PRKG1: variants seen among roughly 807,000 people sequenced by gnomAD.
PRKG1 encodes the protein cGMP-dependent protein kinase 1.
Under a neutral mutation model 88.1 loss-of-function variants are expected in PRKG1, and 35 were observed. The ratio of observed to expected loss-of-function variants is 0.40; its 90% CI spans 0.30 to 0.53. PRKG1 has a LOEUF of 0.53. Ranked by LOEUF, PRKG1 falls within the 20% of genes least tolerant of loss-of-function variation. PRKG1 has a pLI of 0.59. For missense variants in PRKG1, 540 were observed against 839.8 expected, an observed-to-expected ratio of 0.64 and a Z score of 4.41; for synonymous variants, 303 against 292.5, an observed-to-expected ratio of 1.04 and a Z score of -0.37.
chr10:51,942,515 G>T (rs1470019231), intron 5 of PRKG1, among the ~76,000 whole-genome samples: 1 of 150,988 alleles, frequency 6.6e-6, no homozygotes, highest in East Asian at 2.0e-4. Context: ...TTTTAGACTT[G>T]AAGTCCTTGC....
At chr10:51,627,968 T>TTC (rs140669395) in intron 3 of PRKG1, among the ~76,000 whole-genome samples, 1 of 50,426 alleles carries the variant, frequency 2.0e-5, no homozygotes, top group African/African-American at 7.6e-5. Flanking sequence ...CTTTCTTTCT[T>TTC]TCTCTTTCTT....
chr10:51,092,562 G>A (rs998901643), intron 1 of PRKG1, among the ~76,000 whole-genome samples: 3 of 152,288 alleles, frequency 2.0e-5, no homozygotes, highest in South Asian at 2.1e-4. Flanking sequence ...AGAAGCCTTT[G>A]CTCTGATGCC....
intron 3 of PRKG1, among the ~76,000 whole-genome samples, chr10:51,527,577 G>A (rs566034168): frequency 1.3e-5 from 2 of 152,262 alleles, no homozygotes; most frequent in African/African-American, 4.8e-5. Context: ...GTTAAAATGC[G>A]TAGAGTAAAA....
chr10:52,262,620 G>A (rs1340150686), intron 10 of PRKG1, among the ~76,000 whole-genome samples: 3 of 151,992 alleles, frequency 2.0e-5, no homozygotes, highest in Non-Finnish European at 2.9e-5. Flanking sequence ...ATGTCATATG[G>A]ACTTGCATAC....
chr10:52,274,826 C>T (rs986317062), intron 12 of PRKG1, among the ~76,000 whole-genome samples: 3 of 152,008 alleles, frequency 2.0e-5, no homozygotes, highest in Non-Finnish European at 4.4e-5. Context: ...CTGTTCACTC[C>T]ATCCACACCA....
At chr10:52,140,291 G>A (rs74135174) in intron 8 of PRKG1, among the ~76,000 whole-genome samples, 3,689 of 152,242 alleles carry the variant, frequency 0.024, 162 homozygotes, top group African/African-American at 0.084. Flanking sequence ...TACATAAAAA[G>A]AACTGATTTG....
chr10:51,306,129 C>T (rs1841030182), intron 2 of PRKG1, among the ~76,000 whole-genome samples: 1 of 152,184 alleles, frequency 6.6e-6, no homozygotes, highest in Non-Finnish European at 1.5e-5. Flanking sequence ...TAGGGCCTCA[C>T]AGTAACAGAA....
intron 5 of PRKG1, among the ~76,000 whole-genome samples, chr10:51,963,149 A>G (rs1843487047): frequency 6.6e-6 from 1 of 152,178 alleles, no homozygotes; most frequent in Non-Finnish European, 1.5e-5. Flanking sequence ...TAAAAATTTG[A>G]TAATGAATGT....
intron 2 of PRKG1, among the ~76,000 whole-genome samples, chr10:51,158,109 T>TA (rs1162575350): frequency 6.6e-6 from 1 of 151,892 alleles, no homozygotes; most frequent in East Asian, 1.9e-4. Context: ...TACTAGAACT[T>TA]ACCAATTTTT....
chr10:51,011,141 T>C (rs1589105351), intron 1 of PRKG1, among the ~76,000 whole-genome samples: 2 of 152,280 alleles, frequency 1.3e-5, no homozygotes, highest in African/African-American at 4.8e-5. Flanking sequence ...GCAAATGGTG[T>C]TTCTTAGCCT....
chr10:51,158,330 G>A (rs777893215), intron 2 of PRKG1, among the ~76,000 whole-genome samples: 31 of 151,802 alleles, frequency 2.0e-4, no homozygotes, highest in Non-Finnish European at 3.2e-4. Context: ...TGAAATACAC[G>A]TCTTAGCCTT....
chr10:51,590,233 A>G (rs915307406), intron 3 of PRKG1, among the ~76,000 whole-genome samples: 2 of 152,230 alleles, frequency 1.3e-5, no homozygotes, highest in African/African-American at 4.8e-5. Flanking sequence ...TGGAAAGCAG[A>G]AAAGCACCAG....
chr10:52,233,184 C>CAA (rs3031022), intron 9 of PRKG1, among the ~76,000 whole-genome samples: 18,432 of 142,052 alleles, frequency 0.13, 2,001 homozygotes, highest in African/African-American at 0.31. Context: ...AAAAGGGAGC[C>CAA]AAAAAAAAAA....
At chr10:51,061,294 T>A (rs1310548697) in intron 1 of PRKG1, among the ~76,000 whole-genome samples, 1 of 152,042 alleles carries the variant, frequency 6.6e-6, no homozygotes, top group Non-Finnish European at 1.5e-5. Flanking sequence ...AACCATCAGA[T>A]CTTGTGAGAC....
intron 3 of PRKG1, among the ~76,000 whole-genome samples, chr10:51,470,602 A>G (rs1840024893): frequency 6.6e-6 from 1 of 151,924 alleles, no homozygotes; most frequent in African/African-American, 2.4e-5. Flanking sequence ...TAGTTTTTCA[A>G]TGTACATTAC....
intron 4 of PRKG1, among the ~76,000 whole-genome samples, chr10:51,840,002 C>A (rs879455039): frequency 1.3e-5 from 2 of 152,180 alleles, no homozygotes; most frequent in Admixed American, 1.3e-4. Flanking sequence ...CCAGGCATTT[C>A]AAATCTAGTT....
chr10:51,997,641 T>C (rs1309004127), intron 5 of PRKG1, among the ~76,000 whole-genome samples: 6 of 152,166 alleles, frequency 3.9e-5, no homozygotes, highest in African/African-American at 1.4e-4. Flanking sequence ...GCTAGGTTTA[T>C]TCATTCTACA....
At chr10:52,004,983 G>A (rs1480459913) in intron 5 of PRKG1, among the ~76,000 whole-genome samples, 1 of 152,082 alleles carries the variant, frequency 6.6e-6, no homozygotes, top group Non-Finnish European at 1.5e-5. Flanking sequence ...TTATCAATAT[G>A]AGTTTGCCTA....
intron 5 of PRKG1, among the ~76,000 whole-genome samples, chr10:51,923,738 A>G (rs573629658): frequency 3.3e-5 from 5 of 152,008 alleles, no homozygotes; most frequent in Admixed American, 3.3e-4. Context: ...GTATATTGTT[A>G]CTCTTATTAT....
Sources: gnomAD v4.1 joint callset for allele counts (sites outside exome capture counted in the v4.1 genomes callset) on GRCh38, gnomAD v4.1.1 for gene constraint, MANE v1.5 for transcripts, NCBI Gene and HGNC (gene_info 2026-07-23, HGNC 2026-07-21) for gene names.